The following TTC28 variants were observed in gnomAD, a reference collection of about 807,000 sequenced individuals.
The protein encoded by TTC28 is tetratricopeptide repeat domain 28.
A neutral mutation model predicts 198.0 loss-of-function variants in TTC28; 61 were observed. That is an observed-to-expected ratio of 0.31 (90% confidence interval 0.25 to 0.38). The LOEUF is 0.38. Among genes scored for constraint, TTC28 ranks in the 10% least tolerant of loss-of-function variants. TTC28 has a pLI of 1.00. For missense variants in TTC28, 2,678 were observed against 3,164.0 expected (o/e 0.85, Z 3.69); for synonymous variants, 1,171 against 1,297.8 (o/e 0.90, Z 2.10).
intron 2 of TTC28, among the ~76,000 whole-genome samples, chr22:28,550,554 T>C (rs1260948959): frequency 6.6e-6 from 1 of 152,142 alleles, no homozygotes; most frequent in Non-Finnish European, 1.5e-5. Context: ...AGTGTGCGTC[T>C]ATCATTTGTA....
chr22:28,352,648 C>A (rs1348629973), intron 2 of TTC28, among the ~76,000 whole-genome samples: 1 of 151,952 alleles, frequency 6.6e-6, no homozygotes, highest in African/African-American at 2.4e-5. Flanking sequence ...CAAGAGGTAC[C>A]CAGGCTGCAG....
At position 28,305,680 on chromosome 22, in the gene TTC28, T is replaced by G. The variant is rs142755125; in HGVS notation, c.529+816A>C. Reference sequence around the variant, plus strand: ...TCTGCTTGACATACCCTGATTAAAATGAATCATTATTAGCTGTCGACTGTC... The same window carrying G: ...TCTGCTTGACATACCCTGATTAAAAGGAATCATTATTAGCTGTCGACTGTC... On this transcript the variant is annotated intron_variant, in intron 3 of 22. Coordinates refer to ENST00000397906, the MANE Select transcript of TTC28 (RefSeq NM_001145418.2). Among the ~76,000 whole-genome samples the G allele has an allele frequency of 2.6e-5, 4 of 152,298 alleles. No individual in the cohort carries two copies. In the East Asian group the frequency reaches 5.8e-4, roughly 22 times the overall value.
intron 5 of TTC28, among the ~76,000 whole-genome samples, chr22:28,236,795 G>A (rs1210038603): frequency 2.0e-5 from 3 of 152,152 alleles, no homozygotes; most frequent in Non-Finnish European, 4.4e-5. Flanking sequence ...TGTCCTGAAA[G>A]ATGTCCTTAT....
chr22:28,101,835 T>TA (rs1942166169), intron 8 of TTC28, among the ~76,000 whole-genome samples: 1 of 97,628 alleles, frequency 1.0e-5, no homozygotes, highest in Non-Finnish European at 2.1e-5. Flanking sequence ...CACAGCTAGA[T>TA]AAAATGAGGA....
intron 5 of TTC28, among the ~76,000 whole-genome samples, chr22:28,167,989 C>A (rs189612188): frequency 6.6e-6 from 1 of 152,184 alleles, no homozygotes; most frequent in Admixed American, 6.5e-5. Context: ...AATACAAAAT[C>A]AATGTGCAAA....
intron 12 of TTC28, among the ~76,000 whole-genome samples, chr22:28,042,824 C>G (rs1183786400): frequency 6.6e-6 from 1 of 152,026 alleles, no homozygotes; most frequent in African/African-American, 2.4e-5. Flanking sequence ...GAGAAGAACC[C>G]AAGAAACAGA....
chr22:28,127,859 C>A lies in TTC28; in HGVS notation c.1442-19456G>T, dbSNP rs1205513214. ...CCTGCCTCAGCCCCTCTCCAAGTAGCTGGGACTACAGGTTCAAATCACCAT... is the reference window on the plus strand; with the variant it reads ...CCTGCCTCAGCCCCTCTCCAAGTAGATGGGACTACAGGTTCAAATCACCAT... On this transcript the variant is annotated intron_variant, in intron 6 of 22. Coordinates refer to ENST00000397906, the MANE Select transcript of TTC28 (RefSeq NM_001145418.2). Among the ~76,000 whole-genome samples, 4 of 150,288 alleles carry A rather than the reference C, an allele frequency of 2.7e-5. No homozygotes were observed. The South Asian group carries it at 8.4e-4, about 32-fold the overall frequency.
At chr22:28,679,289 A>C (rs1223906739) in intron 1 of TTC28, among the ~76,000 whole-genome samples, 1 of 152,196 alleles carries the variant, frequency 6.6e-6, no homozygotes, top group African/African-American at 2.4e-5. Context: ...TCCAGTCCCC[A>C]GATTCCGCCC....
intron 2 of TTC28, among the ~76,000 whole-genome samples, chr22:28,467,710 CTT>C (rs1225971864): frequency 2.0e-5 from 3 of 152,194 alleles, no homozygotes; most frequent in Non-Finnish European, 4.4e-5. Flanking sequence ...CATTAGCAAA[CTT>C]AGAATTTTTG....
rs1274063879 is a variant in TTC28, at chr22:28,552,916, G to A, written c.381+76636C>T. Reference sequence around the variant, plus strand: ...ATTCCCCTGCCTCAGCCTGTCGAGTGCCTGTGATTGCAGGCGCGCGCCACC... The same window carrying A: ...ATTCCCCTGCCTCAGCCTGTCGAGTACCTGTGATTGCAGGCGCGCGCCACC... On this transcript the variant is annotated intron_variant, in intron 2 of 22. Coordinates refer to ENST00000397906, the MANE Select transcript of TTC28 (RefSeq NM_001145418.2). Among the ~76,000 whole-genome samples, 8 of 152,222 alleles carry A rather than the reference G, an allele frequency of 5.3e-5. No individual in the cohort carries two copies. The East Asian group carries it at 1.4e-3, about 26-fold the overall frequency.
rs1270132016 is a variant in TTC28 at position 27,994,024 on chromosome 22, G to A, written c.5245-506C>T. On this transcript the variant is annotated intron_variant, in intron 17 of 22. Coordinates refer to ENST00000397906, the MANE Select transcript of TTC28 (RefSeq NM_001145418.2). ...TGGAGCCTATACCTCCCTCCACCGG[G>A]AAGTGCCCTCATGTCATCCAGGGCC... 3.3e-5 allele frequency among the ~76,000 whole-genome samples: 5 copies of A among 152,312 alleles called. No homozygotes were observed. The Middle Eastern group carries it at 0.017, about 518-fold the overall frequency.
chr22:28,060,769 A>G (rs1251294114), intron 12 of TTC28, among the ~76,000 whole-genome samples: 2 of 152,062 alleles, frequency 1.3e-5, no homozygotes, highest in Non-Finnish European at 2.9e-5. Flanking sequence ...TTTATAGTTC[A>G]CCAACAGTGT....
chr22:28,052,180 C>T (rs924707256), intron 12 of TTC28, among the ~76,000 whole-genome samples: 2 of 151,972 alleles, frequency 1.3e-5, no homozygotes, highest in Non-Finnish European at 2.9e-5. Context: ...TATAAAGTAC[C>T]ATATATGTGC....
chr22:27,981,229 A>AT lies in TTC28; in HGVS notation c.*991_*992insA, dbSNP rs1937001603. The AT allele has an allele frequency of 2.3e-3, 164 of 72,702 alleles. 13 individuals are homozygous for AT. Among genetic ancestry groups the AT allele is most frequent in the African/African-American group, 6.5e-3 (132 of 20,440 alleles). 4.5% of individuals were successfully genotyped at this position (72,702 alleles called of 1,614,324 possible). A position where few individuals can be genotyped will look rare whatever the true frequency, so the allele number is the denominator to read the frequency against. ...CTGGTTAAATCTAGTTAGCCATGGA[A>AT]ATTTTTTTTTTTTTTTTTTTTTTTT... On this transcript the variant is annotated 3_prime_UTR_variant, in exon 23 of 23. Transcript: ENST00000397906.
intron 12 of TTC28, among the ~76,000 whole-genome samples, chr22:28,040,315 G>T (rs925179312): frequency 6.6e-6 from 1 of 152,144 alleles, no homozygotes; most frequent in Non-Finnish European, 1.5e-5. Flanking sequence ...TATCCCTGAT[G>T]AACATCAGTG....
chr22:28,207,948 C>T (rs1306937409), intron 5 of TTC28, among the ~76,000 whole-genome samples: 2 of 152,106 alleles, frequency 1.3e-5, no homozygotes, highest in African/African-American at 2.4e-5. Context: ...TCTCAAGAAG[C>T]TGTGCACCCT....
intron 2 of TTC28, among the ~76,000 whole-genome samples, chr22:28,400,888 G>A (rs2046896080): frequency 1.3e-5 from 2 of 152,040 alleles, no homozygotes; most frequent in African/African-American, 4.8e-5. Flanking sequence ...TCCAACAAGA[G>A]TCCAATCTAA....
In TTC28 at chr22:27,998,457, C is replaced by A. The variant is rs1439930680; in HGVS notation, c.5119+83G>T. 3 of 1,472,244 alleles carry A rather than the reference C, an allele frequency of 2.0e-6. No individual in the cohort carries two copies. The East Asian group carries it at 7.4e-5, about 36-fold the overall frequency. The allele number at this position is 1,472,244 out of a possible 1,614,324, so 91.2% of individuals were successfully genotyped here. A position where few individuals can be genotyped will look rare whatever the true frequency, so the allele number is the denominator to read the frequency against. On this transcript the variant is annotated intron_variant, in intron 16 of 22. Transcript: ENST00000397906. Reference sequence around the variant, plus strand: ...CCTTGCCCTGCCCTCCCCTCCCCAACCCCACTGGCAGAATAAAGTCGGGGG... The same window carrying A: ...CCTTGCCCTGCCCTCCCCTCCCCAAACCCACTGGCAGAATAAAGTCGGGGG...
At chr22:28,222,953 AC>A (rs1928001729) in intron 5 of TTC28, among the ~76,000 whole-genome samples, 1 of 152,226 alleles carries the variant, frequency 6.6e-6, no homozygotes. Flanking sequence ...TTGGCCTAAA[AC>A]AATGAAGGAA....
Sources: gnomAD v4.1 joint callset for allele counts (sites outside exome capture counted in the v4.1 genomes callset) on GRCh38, gnomAD v4.1.1 for gene constraint, MANE v1.5 for transcripts, NCBI Gene and HGNC (gene_info 2026-07-23, HGNC 2026-07-21) for gene names.